The following RBFOX1 variants were observed in gnomAD, a reference collection of about 807,000 sequenced individuals.
RBFOX1 encodes the protein RNA binding protein fox-1 homolog 1.
Under a neutral mutation model 57.7 loss-of-function variants are expected in RBFOX1, and 8 were observed. That is an observed-to-expected ratio of 0.14 (90% confidence interval 0.08 to 0.25). RBFOX1 has a LOEUF of 0.25. RBFOX1 is among the 10% of genes least tolerant of loss of function. The pLI, the probability that RBFOX1 is intolerant of heterozygous loss-of-function variation, is 1.00. For synonymous variants in RBFOX1, 326 were observed against 222.4 expected (o/e 1.47, Z -4.15); for missense variants, 611 against 548.5 (o/e 1.11, Z -1.14).
At position 7,220,550 on chromosome 16, in the gene RBFOX1, T is replaced by A. The variant is rs80292108; in HGVS notation, c.27+168452T>A. ...TATGTGCCCACTTTGGATGTAACCC[T>A]GATGTCAGGTGTGGCTCTTGGAAAC... On this transcript the variant is annotated intron_variant, in intron 4 of 15. Coordinates refer to ENST00000550418, the MANE Select transcript of RBFOX1 (RefSeq NM_018723.4). Among the ~76,000 whole-genome samples the A allele has an allele frequency of 4.9e-3, 745 of 152,336 alleles. 10 individuals carry two copies. The highest frequency in any genetic ancestry group is 0.017 in the African/African-American group (705 of 41,576).
rs1343823376 is a variant in RBFOX1, at chr16:6,999,962, C to T, written c.-15-52095C>T. Among the ~76,000 whole-genome samples the T allele has an allele frequency of 3.3e-5, 5 of 151,700 alleles. No homozygotes were observed. The East Asian group carries it at 7.8e-4, about 24-fold the overall frequency. ...TGGCACACACTTGTAATTTCAGCTACTCCAGAGGCTGAGGCAGGAGAATTG... is the reference window on the plus strand; with the variant it reads ...TGGCACACACTTGTAATTTCAGCTATTCCAGAGGCTGAGGCAGGAGAATTG... On this transcript the variant is annotated intron_variant, in intron 3 of 15. Coordinates refer to ENST00000550418, the MANE Select transcript of RBFOX1 (RefSeq NM_018723.4).
At chr16:5,337,547 C>A (rs1158518605) in intron 1 of RBFOX1, among the ~76,000 whole-genome samples, 1 of 152,140 alleles carries the variant, frequency 6.6e-6, no homozygotes, top group African/African-American at 2.4e-5. Context: ...TTCCTACTTC[C>A]TCGAACAATA....
At chr16:5,453,432 T>C (rs2068488263) in intron 1 of RBFOX1, among the ~76,000 whole-genome samples, 1 of 152,130 alleles carries the variant, frequency 6.6e-6, no homozygotes, top group Non-Finnish European at 1.5e-5. Context: ...TAGCATCACA[T>C]ACTGTAGAAG....
intron 3 of RBFOX1, among the ~76,000 whole-genome samples, chr16:6,751,571 G>C (rs1218723767): frequency 1.3e-5 from 2 of 152,154 alleles, no homozygotes; most frequent in Non-Finnish European, 2.9e-5. Flanking sequence ...AACATACAGT[G>C]CTTCCTCTGC....
chr16:5,889,570 G>A (rs575544044), intron 4 of RBFOX1, among the ~76,000 whole-genome samples: 1 of 152,292 alleles, frequency 6.6e-6, no homozygotes, highest in South Asian at 2.1e-4. Context: ...ATATTCTTTT[G>A]GATGTATTTA....
At chr16:6,070,758 T>C (rs11643504) in intron 1 of RBFOX1, among the ~76,000 whole-genome samples, 62,632 of 151,608 alleles carry the variant, frequency 0.41, 13,309 homozygotes, top group African/African-American at 0.52. Flanking sequence ...GTATTTTTTG[T>C]CCTCTAGTTT....
At chr16:7,065,067 T>G (rs1008436232) in intron 4 of RBFOX1, among the ~76,000 whole-genome samples, 1 of 152,208 alleles carries the variant, frequency 6.6e-6, no homozygotes, top group South Asian at 2.1e-4. Context: ...AGTATGTGAG[T>G]CACAGCGTGT....
intron 4 of RBFOX1, among the ~76,000 whole-genome samples, chr16:7,133,859 A>T (rs2071187247): frequency 6.6e-6 from 1 of 152,216 alleles, no homozygotes; most frequent in South Asian, 2.1e-4. Flanking sequence ...ATTTTGAAAT[A>T]TCATGGCTAA....
chr16:5,255,719 C>T (rs533735640), intron 1 of RBFOX1, among the ~76,000 whole-genome samples: 7 of 151,938 alleles, frequency 4.6e-5, no homozygotes, highest in Admixed American at 3.3e-4. Context: ...CATCCATGTA[C>T]GTATCCATCC....
At chr16:6,781,510 C>T (rs1471055580) in intron 3 of RBFOX1, among the ~76,000 whole-genome samples, 3 of 151,704 alleles carry the variant, frequency 2.0e-5, no homozygotes, top group African/African-American at 7.2e-5. Context: ...GGTATTAAGT[C>T]TTCCTTAAAT....
intron 3 of RBFOX1, among the ~76,000 whole-genome samples, chr16:6,962,705 T>C (rs1002996786): frequency 3.3e-5 from 5 of 151,774 alleles, no homozygotes; most frequent in East Asian, 2.0e-4. Context: ...CCTCTACAAA[T>C]AGTAAAAAAT....
At chr16:6,364,164 C>T (rs995951811) in intron 2 of RBFOX1, among the ~76,000 whole-genome samples, 1 of 152,186 alleles carries the variant, frequency 6.6e-6, no homozygotes, top group Non-Finnish European at 1.5e-5. Context: ...CTCTCCTTTG[C>T]AAGCCAGGAA....
At chr16:5,971,380 A>C (rs2059958980) in intron 4 of RBFOX1, among the ~76,000 whole-genome samples, 1 of 152,226 alleles carries the variant, frequency 6.6e-6, no homozygotes, top group Non-Finnish European at 1.5e-5. Context: ...GGTGGTAAAT[A>C]AGATATGCTG....
chr16:7,626,408 A>C (rs28527255), intron 10 of RBFOX1, among the ~76,000 whole-genome samples: 1 of 152,114 alleles, frequency 6.6e-6, no homozygotes, highest in African/African-American at 2.4e-5. Flanking sequence ...GGAGGATTCA[A>C]AATCCTGCTG....
chr16:6,983,276 A>G (rs910780705), intron 3 of RBFOX1, among the ~76,000 whole-genome samples: 1 of 152,110 alleles, frequency 6.6e-6, no homozygotes, highest in African/African-American at 2.4e-5. Context: ...CTGCATTAGA[A>G]TGATGTGCAG....
At chr16:6,005,409 C>G (rs1269841501) in intron 4 of RBFOX1, among the ~76,000 whole-genome samples, 1 of 152,186 alleles carries the variant, frequency 6.6e-6, no homozygotes, top group Non-Finnish European at 1.5e-5. Context: ...GCTGGGAGCA[C>G]ATTGAGAAAT....
intron 3 of RBFOX1, among the ~76,000 whole-genome samples, chr16:6,913,362 G>A (rs576212035): frequency 6.6e-5 from 10 of 152,166 alleles, no homozygotes; most frequent in African/African-American, 1.9e-4. Context: ...CCTTATGAGC[G>A]TGTTAGCTCA....
intron 4 of RBFOX1, among the ~76,000 whole-genome samples, chr16:7,108,110 C>G (rs923078016): frequency 6.6e-5 from 10 of 152,034 alleles, no homozygotes; most frequent in African/African-American, 2.4e-4. Flanking sequence ...TGTGGATGAC[C>G]AATTTTCAGC....
chr16:6,311,295 CAAA>C (rs71145210), intron 1 of RBFOX1, among the ~76,000 whole-genome samples: 19 of 91,234 alleles, frequency 2.1e-4, no homozygotes, highest in African/African-American at 3.8e-4. Context: ...GACTCTGTCT[CAAA>C]AAAAAAAAAA....
Sources: allele counts gnomAD v4.1 joint callset (sites outside exome capture counted in the v4.1 genomes callset), GRCh38; gene constraint gnomAD v4.1.1; transcripts MANE v1.5; gene names NCBI Gene and HGNC (gene_info 2026-07-23, HGNC 2026-07-21).